The following TSHZ1 variants were observed in gnomAD, a reference collection of about 807,000 sequenced individuals.
The protein encoded by TSHZ1 is teashirt homolog 1.
A neutral mutation model predicts 67.1 loss-of-function variants in TSHZ1; 12 were observed. The ratio of observed to expected loss-of-function variants is 0.18; its 90% CI spans 0.11 to 0.29. The LOEUF (loss-of-function observed/expected upper bound fraction) is 0.29. Among genes scored for constraint, TSHZ1 ranks in the 10% least tolerant of loss-of-function variants. The pLI is 1.00. For synonymous variants in TSHZ1, 632 were observed against 622.4 expected (o/e 1.02, Z -0.23); for missense variants, 1,305 against 1,413.9 (o/e 0.92, Z 1.23).
In TSHZ1 at chr18:75,286,011, G is replaced by T. The variant is rs2023754658; in HGVS notation, c.604G>T (p.Ala202Ser). 2 of 1,609,574 alleles carry T rather than the reference G, an allele frequency of 1.2e-6. No individual in the cohort carries two copies. Among genetic ancestry groups the T allele is most frequent in the Admixed American group, 1.7e-5 (1 of 59,636 alleles). Residue 202 changes from alanine (A) to serine (S), a missense_variant, in exon 2 of 2, where the codon GCT becomes TCT. Ala to Ser is a moderately conservative substitution (Grantham distance 99). Coordinates refer to ENST00000580243, the MANE Select transcript of TSHZ1 (RefSeq NM_001308210.2). The surrounding 1 kb of genome is among the most constrained non-coding windows in gnomAD (Gnocchi z 5.1). ...SSSSGYDWHQ[A>S]ALAKTLQQTS... ...CAGCTCCGGGTACGACTGGCACCAGGCTGCACTGGCCAAGACGCTGCAGCA... is the reference window on the plus strand; with the variant it reads ...CAGCTCCGGGTACGACTGGCACCAGTCTGCACTGGCCAAGACGCTGCAGCA...
intron 1 of TSHZ1, among the ~76,000 whole-genome samples, chr18:75,249,095 G>A (rs566889572): frequency 1.3e-5 from 2 of 152,120 alleles, no homozygotes; most frequent in African/African-American, 4.8e-5. Flanking sequence ...GTCCTTCACC[G>A]CCCTCCTGCC....
Position 75,288,807 on chromosome 18 carries a change from C to A in TSHZ1, c.*166C>A. On this transcript the variant is annotated 3_prime_UTR_variant, in exon 2 of 2. Coordinates refer to ENST00000580243, the MANE Select transcript of TSHZ1 (RefSeq NM_001308210.2). This position sits in a 1 kb window ranked among gnomAD's most constrained non-coding sequence, Gnocchi z 4.9. ...TATATTTATATGCTCTCTGTCCGAT[C>A]TGTGCATGTTATTTTTCTTTTTCCG... is the stretch of plus-strand genomic sequence containing the variant. 1.7e-6 allele frequency: 2 copies of A among 1,165,242 alleles called. No homozygotes were observed. The highest frequency in any genetic ancestry group is 2.3e-6 in the Non-Finnish European group (2 of 861,316). 72.2% of individuals were successfully genotyped at this position (1,165,242 alleles called of 1,614,324 possible). A position where few individuals can be genotyped will look rare whatever the true frequency, so the allele number is the denominator to read the frequency against.
intron 1 of TSHZ1, among the ~76,000 whole-genome samples, chr18:75,275,816 A>G (rs1012525208): frequency 6.6e-6 from 1 of 152,188 alleles, no homozygotes; most frequent in Non-Finnish European, 1.5e-5. Context: ...GTAAGAGAAC[A>G]TTTCCACCAT....
chr18:75,211,855 A>G lies in TSHZ1; in HGVS notation c.-22A>G. On this transcript the variant is annotated 5_prime_UTR_variant, in exon 1 of 2. Transcript: ENST00000580243. ...GCGAACTCCGGCGGCGGCTGAGGCG[A>G]CGGCTGCGGCGGCCGAGCAGCATGC... is the stretch of plus-strand genomic sequence containing the variant. 6 of 1,165,910 alleles carry G rather than the reference A, an allele frequency of 5.1e-6. No individual in the cohort carries two copies. The highest frequency in any genetic ancestry group is 6.3e-6 in the Non-Finnish European group (6 of 946,226). The allele number at this position is 1,165,910 out of a possible 1,614,324, so 72.2% of individuals were successfully genotyped here.
intron 1 of TSHZ1, among the ~76,000 whole-genome samples, chr18:75,277,212 A>C (rs1360780143): frequency 6.6e-6 from 1 of 152,216 alleles, no homozygotes; most frequent in African/African-American, 2.4e-5. Flanking sequence ...ATGCTGGCTC[A>C]GCTTCAGTCT....
In TSHZ1 at chr18:75,286,009, A is replaced by G; in HGVS notation, c.602A>G (p.Gln201Arg). 6.2e-7 allele frequency: 1 copy of G among 1,609,368 alleles called. No homozygotes were observed. Among genetic ancestry groups the G allele is most frequent in the Non-Finnish European group, 8.5e-7 (1 of 1,178,396 alleles). ...AGCAGCTCCGGGTACGACTGGCACCAGGCTGCACTGGCCAAGACGCTGCAG... is the reference window on the plus strand; with the variant it reads ...AGCAGCTCCGGGTACGACTGGCACCGGGCTGCACTGGCCAAGACGCTGCAG... ...TSSSSGYDWH[Q>R]AALAKTLQQT... Residue 201 changes from glutamine (Q) to arginine (R), a missense_variant, in exon 2 of 2, where the codon CAG (glutamine) becomes CGG (arginine). By Grantham distance (43) the Gln-to-Arg change is conservative. Coordinates refer to ENST00000580243, the MANE Select transcript of TSHZ1 (RefSeq NM_001308210.2). The surrounding 1 kb of genome is among the most constrained non-coding windows in gnomAD (Gnocchi z 5.1).
chr18:75,282,809 A>G (rs937662537), intron 1 of TSHZ1: 2 of 152,254 alleles, frequency 1.3e-5, no homozygotes, highest in Admixed American at 6.5e-5. Context: ...GACGAACACA[A>G]AGTCACTTAT....
intron 1 of TSHZ1, among the ~76,000 whole-genome samples, chr18:75,250,828 G>T (rs562530879): frequency 6.6e-6 from 1 of 152,338 alleles, no homozygotes; most frequent in South Asian, 2.1e-4. Context: ...GGATGGATTC[G>T]ATTCCTTCGG....
chr18:75,224,196 G>C (rs142214458), intron 1 of TSHZ1, among the ~76,000 whole-genome samples: 6 of 151,552 alleles, frequency 4.0e-5, no homozygotes, highest in Admixed American at 3.9e-4. Context: ...TACACACTAC[G>C]GTGCTTGTGC....
In TSHZ1 at chr18:75,281,065, A is replaced by G. The variant is rs1350429186; in HGVS notation, c.41-4383A>G. On this transcript the variant is annotated intron_variant, in intron 1 of 1. Transcript: ENST00000580243. This position sits in a 1 kb window ranked among gnomAD's most constrained non-coding sequence, Gnocchi z 5.3. ...ACAGGCGGGGCAGCGGTGAGGGTCC[A>G]GACGCCCTGCCTGGGACACGCAGCT... 6.6e-6 allele frequency among the ~76,000 whole-genome samples: 1 copy of G among 152,190 alleles called. No individual in the cohort carries two copies. Among genetic ancestry groups the G allele is most frequent in the African/African-American group, 2.4e-5 (1 of 41,452 alleles).
At position 75,287,370 on chromosome 18, in the gene TSHZ1, G is replaced by A. The variant is rs1158623286; in HGVS notation, c.1963G>A (p.Glu655Lys). ...CACGGGCAAGGTCAACATCAAGAAG[G>A]AGGAGAGACCCCCTGAGAAGGAGAA... ...KVTGKVNIKK[E>K]ERPPEKEKSS... Residue 655 changes from glutamate (E) to lysine (K), a missense_variant, in exon 2 of 2, where the codon GAG becomes AAG. Physicochemically the swap from Glu to Lys is moderately conservative, Grantham distance 56 (BLOSUM62 1). Transcript: ENST00000580243. The surrounding 1 kb of genome is among the most constrained non-coding windows in gnomAD (Gnocchi z 5.0). The A allele has an allele frequency of 1.2e-6, 2 of 1,614,146 alleles. No homozygotes were observed. The highest frequency in any genetic ancestry group is 1.1e-5 in the South Asian group (1 of 91,074).
intron 1 of TSHZ1, among the ~76,000 whole-genome samples, chr18:75,269,170 A>G (rs2023527504): frequency 6.6e-6 from 1 of 152,240 alleles, no homozygotes; most frequent in African/African-American, 2.4e-5. Flanking sequence ...TGATTGGGCC[A>G]CATGGAAATT....
intron 1 of TSHZ1, among the ~76,000 whole-genome samples, chr18:75,266,073 G>A (rs766485): frequency 0.023 from 3,490 of 152,218 alleles, 42 homozygotes; most frequent in African/African-American, 0.038. Context: ...AGCCTAGACC[G>A]CAGAGGTCCC....
At chr18:75,282,646 G>C (rs1001079403) in intron 1 of TSHZ1, among the ~76,000 whole-genome samples, 4 of 152,286 alleles carry the variant, frequency 2.6e-5, no homozygotes, top group Admixed American at 1.3e-4. Context: ...TTCAGGGAGA[G>C]AGCTGCCATC....
At chr18:75,248,252 A>G (rs979652597) in intron 1 of TSHZ1, among the ~76,000 whole-genome samples, 4 of 152,206 alleles carry the variant, frequency 2.6e-5, no homozygotes, top group African/African-American at 9.7e-5. Context: ...ATTCTACTTC[A>G]AGTATAAGGT....
intron 1 of TSHZ1, among the ~76,000 whole-genome samples, chr18:75,273,411 A>C (rs2023580789): frequency 1.3e-5 from 2 of 152,246 alleles, no homozygotes; most frequent in African/African-American, 4.8e-5. Flanking sequence ...CCATTAAAAA[A>C]CAAATACAGC....
At chr18:75,274,661 ATAAT>A (rs2023596016) in intron 1 of TSHZ1, among the ~76,000 whole-genome samples, 1 of 152,234 alleles carries the variant, frequency 6.6e-6, no homozygotes, top group African/African-American at 2.4e-5. Flanking sequence ...ATTGTCACAA[ATAAT>A]TAGCTAAACT....
intron 1 of TSHZ1, among the ~76,000 whole-genome samples, chr18:75,272,588 G>A (rs2023571295): frequency 6.6e-6 from 1 of 152,216 alleles, no homozygotes; most frequent in Admixed American, 6.5e-5. Flanking sequence ...ATGTGAAGAA[G>A]AGCCATTTCA....
intron 1 of TSHZ1, among the ~76,000 whole-genome samples, chr18:75,272,332 A>G (rs2023568686): frequency 6.6e-6 from 1 of 152,074 alleles, no homozygotes; most frequent in East Asian, 1.9e-4. Flanking sequence ...CTAAGGGAGG[A>G]TGAGAGGGAA....
Sources: gnomAD v4.1 joint callset for allele counts (sites outside exome capture counted in the v4.1 genomes callset) on GRCh38, gnomAD v4.1.1 for gene constraint, Gnocchi (gnomAD v3.1) non-coding constraint, MANE v1.5 for transcripts, NCBI Gene and HGNC (gene_info 2026-07-23, HGNC 2026-07-21) for gene names.